Variants in UGT1A6 observed in about 807,000 individuals in gnomAD.
UGT1A6 encodes UDP-glucuronosyltransferase 1A6.
UGT1A6 carries 32 observed loss-of-function variants against 44.4 expected under a neutral mutation model. The ratio of observed to expected loss-of-function variants is 0.72; its 90% CI spans 0.54 to 0.97. The LOEUF (loss-of-function observed/expected upper bound fraction) is 0.97. Ranked by LOEUF, UGT1A6 falls within the 50% of genes least tolerant of loss-of-function variation. The probability of loss-of-function intolerance (pLI) is 0.00; values close to 1 mark genes in which losing one functional copy is unlikely to be tolerated. For synonymous variants in UGT1A6, 238 were observed against 248.5 expected (o/e 0.96, Z 0.40); for missense variants, 685 against 661.9 (o/e 1.03, Z -0.38).
Position 233,697,502 on chromosome 2 carries a change from CT to C in UGT1A6, c.861+3650del, listed in dbSNP as rs1212901051. Among the ~76,000 whole-genome samples the C allele has an allele frequency of 6.5e-3, 919 of 142,258 alleles. 11 individuals are homozygous for C. The highest frequency in any genetic ancestry group is 0.021 in the African/African-American group (802 of 39,098). The allele number at this position is 142,258 out of a possible 152,430, so 93.3% of individuals were successfully genotyped here. On this transcript the variant is annotated intron_variant, in intron 1 of 4. Transcript: ENST00000305139. ...CTCAAGGTTTGCCAATTTTGTTTAT[CT>C]TTTTTTTTTTTTAAAAAACTTTTTG...
intron 1 of UGT1A6, among the ~76,000 whole-genome samples, chr2:233,759,493 G>T (rs1697150879): frequency 6.6e-6 from 1 of 152,220 alleles, no homozygotes; most frequent in South Asian, 2.1e-4. Flanking sequence ...GCTCTTTCAG[G>T]TTCACACTAA....
At position 233,713,467 on chromosome 2, in the gene UGT1A6, C is replaced by T. The variant is rs754257180; in HGVS notation, c.861+19602C>T. The T allele has an allele frequency of 3.3e-5, 53 of 1,613,938 alleles. 1 individual carries two copies. Among genetic ancestry groups the T allele is most frequent in the South Asian group, 3.1e-4 (28 of 91,084 alleles). ...ACAGACCCCTTTCACCTCTGCGCGG[C>T]GGTGCTGGCTAAGTACCTGTCGATT... On this transcript the variant is annotated intron_variant, in intron 1 of 4. Coordinates refer to ENST00000305139, the MANE Select transcript of UGT1A6 (RefSeq NM_001072.4).
chr2:233,744,088 A>C, intron 1 of UGT1A6: 1 of 431,958 alleles, frequency 2.3e-6, no homozygotes, highest in South Asian at 2.0e-5. Context: ...CCCAAGATGC[A>C]GTGCTTCTGG....
intron 1 of UGT1A6, among the ~76,000 whole-genome samples, chr2:233,762,717 G>GTT (rs34681509): frequency 7.1e-6 from 1 of 141,156 alleles, no homozygotes; most frequent in African/African-American, 2.6e-5. Context: ...ATTTTACACG[G>GTT]TTTTTTTTTT....
intron 1 of UGT1A6, among the ~76,000 whole-genome samples, chr2:233,757,459 C>T (rs1280909636): frequency 8.7e-5 from 13 of 149,420 alleles, no homozygotes; most frequent in African/African-American, 2.0e-4. Flanking sequence ...ATGTCCAGAG[C>T]GCTTACTGTC....
intron 1 of UGT1A6, among the ~76,000 whole-genome samples, chr2:233,709,952 G>A (rs1319460026): frequency 6.6e-6 from 1 of 152,152 alleles, no homozygotes; most frequent in Non-Finnish European, 1.5e-5. Context: ...TCTGTTGCTG[G>A]ATAACAGAAT....
chr2:233,718,173 A>G (rs143975074), intron 1 of UGT1A6: 25 of 238,454 alleles, frequency 1.0e-4, no homozygotes, highest in Admixed American at 2.8e-4. Flanking sequence ...TGATCATCAC[A>G]TCTTGAGCTC....
intron 1 of UGT1A6, chr2:233,743,938 A>G (rs754327674): frequency 7.4e-7 from 1 of 1,356,050 alleles, no homozygotes; most frequent in African/African-American, 1.5e-5. Context: ...AGAACGGCCC[A>G]CCAGGCACTG....
At chr2:233,766,761 T>G (rs1575822555) in intron 1 of UGT1A6, among the ~76,000 whole-genome samples, 1 of 152,230 alleles carries the variant, frequency 6.6e-6, no homozygotes, top group African/African-American at 2.4e-5. Context: ...TGTGTGTGCA[T>G]GTACCTGTGC....
At chr2:233,710,361 A>G (rs765763847) in intron 1 of UGT1A6, among the ~76,000 whole-genome samples, 6 of 152,226 alleles carry the variant, frequency 3.9e-5, no homozygotes, top group Non-Finnish European at 8.8e-5. Flanking sequence ...AAGCAGTTAT[A>G]CAATTTTACA....
upstream of UGT1A6, chr2:233,691,735 C>A: frequency 1.4e-6 from 1 of 734,098 alleles, no homozygotes; most frequent in African/African-American, 1.9e-5. Flanking sequence ...GGGCCAGAAG[C>A]AGATACCAGG....
At chr2:233,729,130 G>T (rs1021127658) in intron 1 of UGT1A6, 3 of 1,613,064 alleles carry the variant, frequency 1.9e-6, no homozygotes, top group Admixed American at 3.3e-5. Context: ...TGCTGAGATG[G>T]CCACAGGACT....
chr2:233,768,308 G>A lies in UGT1A6; in HGVS notation c.1170G>A (p.Met390Ile), dbSNP rs751355128. 5 of 1,614,188 alleles carry A rather than the reference G, an allele frequency of 3.1e-6. No homozygotes were observed. The highest frequency in any genetic ancestry group is 3.4e-6 in the Non-Finnish European group (4 of 1,180,050). Residue 390 changes from methionine to isoleucine, a missense_variant, in exon 4 of 5, where the codon ATG (methionine) becomes ATA (isoleucine). By Grantham distance (10) the Met-to-Ile change is conservative. Transcript: ENST00000305139. The stretch of plus-strand genomic sequence containing the variant: ...GCAATGGCGTTCCCATGGTGATGAT[G>A]CCCTTGTTTGGTGATCAGATGGACA... ...SICNGVPMVM[M>I]PLFGDQMDNA...
upstream of UGT1A6, among the ~76,000 whole-genome samples, chr2:233,692,589 C>T (rs2075104248): frequency 1.3e-5 from 2 of 152,096 alleles, no homozygotes; most frequent in Non-Finnish European, 1.5e-5. Context: ...AGAATAGGTC[C>T]GTGTGCAAGA....
At chr2:233,754,857 G>A (rs184077420) in intron 1 of UGT1A6, 3 of 1,349,946 alleles carry the variant, frequency 2.2e-6, no homozygotes, top group East Asian at 9.1e-5. Flanking sequence ...GAAAAGGGGT[G>A]CAGACCCTCT....
intron 1 of UGT1A6, chr2:233,729,989 C>T (rs1412952740): frequency 6.2e-7 from 1 of 1,614,050 alleles, no homozygotes; most frequent in Non-Finnish European, 8.5e-7. Flanking sequence ...AAGCCACTAT[C>T]TCAGGTCTGT....
intron 1 of UGT1A6, among the ~76,000 whole-genome samples, chr2:233,765,522 C>T (rs1046114337): frequency 3.9e-5 from 6 of 151,992 alleles, no homozygotes; most frequent in East Asian, 1.9e-4. Flanking sequence ...AATCAAACAC[C>T]GCATGTTCTC....
At position 233,743,458 on chromosome 2, in the gene UGT1A6, A is replaced by C. The variant is rs61736688; in HGVS notation, c.862-23576A>C. On this transcript the variant is annotated intron_variant, in intron 1 of 4. Transcript: ENST00000305139. ...AAATCCTGTATCAAAAGAAGAAAAA[A>C]CACCCCCAAAAGCTGGAAATTCACT... 785 of 1,366,068 alleles carry C rather than the reference A, an allele frequency of 5.7e-4. 6 individuals are homozygous for C. In the Admixed American group the frequency reaches 0.012, roughly 22 times the overall value. 84.6% of individuals were successfully genotyped at this position (1,366,068 alleles called of 1,614,324 possible).
intron 1 of UGT1A6, among the ~76,000 whole-genome samples, chr2:233,727,663 T>C (rs1439134101): frequency 6.6e-6 from 1 of 152,170 alleles, no homozygotes; most frequent in Non-Finnish European, 1.5e-5. Context: ...GTGCTCTATG[T>C]CCTTACAAAT....
Sources: allele counts gnomAD v4.1 joint callset (sites outside exome capture counted in the v4.1 genomes callset), GRCh38; gene constraint gnomAD v4.1.1; transcripts MANE v1.5; gene names NCBI Gene and HGNC (gene_info 2026-07-23, HGNC 2026-07-21).